Variants in SLX4IP observed in about 807,000 individuals in gnomAD.
SLX4IP encodes SLX4 interacting protein.
In SLX4IP, 34 loss-of-function variants were observed where a neutral mutation model predicts 32.9. The ratio of observed to expected loss-of-function variants is 1.03; its 90% CI spans 0.79 to 1.38. The LOEUF (loss-of-function observed/expected upper bound fraction) is 1.38, where lower values mean the gene tolerates loss of function less well. Ranked by LOEUF, SLX4IP falls within the 40% of genes most tolerant of loss-of-function variation. The pLI, the probability that SLX4IP is intolerant of heterozygous loss-of-function variation, is 0.00. For synonymous variants in SLX4IP, 172 were observed against 171.7 expected, an observed-to-expected ratio of 1.00 and a Z score of -0.01; for missense variants, 444 against 479.0, an observed-to-expected ratio of 0.93 and a Z score of 0.68.
At chr20:10,474,564 C>CT (rs906510888) in intron 2 of SLX4IP, among the ~76,000 whole-genome samples, 182 of 151,962 alleles carry the variant, frequency 1.2e-3, no homozygotes, top group African/African-American at 4.1e-3. Context: ...TTTCCTTTTT[C>CT]TTTTTTCCCC....
rs2067142057 is a variant in SLX4IP, at chr20:10,623,580, T to C, written c.*201T>C. Reference sequence around the variant, plus strand: ...AGGCTATATGCTTGTTCTAACAGCGTTGCTTCTTTATCATTGTATTTTATG... The same window carrying C: ...AGGCTATATGCTTGTTCTAACAGCGCTGCTTCTTTATCATTGTATTTTATG... On this transcript the variant is annotated 3_prime_UTR_variant, in exon 8 of 8. Transcript: ENST00000334534. The C allele has an allele frequency of 1.0e-5, 7 of 701,530 alleles. No individual in the cohort carries two copies. In the South Asian group the frequency reaches 1.6e-4, roughly 16 times the overall value. The allele number at this position is 701,530 out of a possible 1,614,324, so 43.5% of individuals were successfully genotyped here. A position where few individuals can be genotyped will look rare whatever the true frequency, so the allele number is the denominator to read the frequency against.
chr20:10,475,373 T>C (rs1229170235), intron 2 of SLX4IP, among the ~76,000 whole-genome samples: 1 of 152,242 alleles, frequency 6.6e-6, no homozygotes, highest in Non-Finnish European at 1.5e-5. Context: ...CTAGCGTAAC[T>C]GCTAGTCAAG....
At chr20:10,441,742 T>A (rs1030740558) in intron 1 of SLX4IP, among the ~76,000 whole-genome samples, 1 of 152,028 alleles carries the variant, frequency 6.6e-6, no homozygotes, top group Non-Finnish European at 1.5e-5. Flanking sequence ...TTTTTTTTTT[T>A]ATAAGTAAAC....
chr20:10,623,854 G>T lies in SLX4IP; in HGVS notation c.*475G>T, dbSNP rs1206685643. On this transcript the variant is annotated 3_prime_UTR_variant, in exon 8 of 8. Coordinates refer to ENST00000334534, the MANE Select transcript of SLX4IP (RefSeq NM_001009608.3). Reference sequence around the variant, plus strand: ...ACAAGCTAGTGGTTCTTAGCGCGTGGTCCTGGGACCAGCTTCGTTGTCTGG... The same window carrying T: ...ACAAGCTAGTGGTTCTTAGCGCGTGTTCCTGGGACCAGCTTCGTTGTCTGG... 1 of 159,942 alleles carries T rather than the reference G, an allele frequency of 6.3e-6. No individual in the cohort carries two copies. Among genetic ancestry groups the T allele is most frequent in the African/African-American group, 2.4e-5 (1 of 41,546 alleles). The allele number at this position is 159,942 out of a possible 1,614,324, so 9.9% of individuals were successfully genotyped here. A position where few individuals can be genotyped will look rare whatever the true frequency, so the allele number is the denominator to read the frequency against.
intron 2 of SLX4IP, among the ~76,000 whole-genome samples, chr20:10,475,341 G>C (rs1375049057): frequency 6.6e-6 from 1 of 152,214 alleles, no homozygotes; most frequent in African/African-American, 2.4e-5. Flanking sequence ...GTCTTATTTA[G>C]AGTCATAATA....
chr20:10,439,049 A>G (rs2065139455), intron 1 of SLX4IP, among the ~76,000 whole-genome samples: 1 of 151,542 alleles, frequency 6.6e-6, no homozygotes, highest in African/African-American at 2.4e-5. Context: ...GGGAGTTTTG[A>G]TAGTTTATTC....
intron 2 of SLX4IP, among the ~76,000 whole-genome samples, chr20:10,470,115 C>T (rs1326289367): frequency 2.0e-5 from 3 of 152,166 alleles, no homozygotes; most frequent in Non-Finnish European, 4.4e-5. Context: ...CCAGTTCCGC[C>T]CTGGTCCCAG....
intron 6 of SLX4IP, among the ~76,000 whole-genome samples, chr20:10,604,092 C>T (rs2066874823): frequency 6.6e-6 from 1 of 152,156 alleles, no homozygotes; most frequent in Non-Finnish European, 1.5e-5. Context: ...CCTGGACTTG[C>T]TTCAAGCTTT....
At chr20:10,546,586 A>G (rs986841383) in intron 2 of SLX4IP, among the ~76,000 whole-genome samples, 2 of 152,230 alleles carry the variant, frequency 1.3e-5, no homozygotes, top group Non-Finnish European at 2.9e-5. Context: ...AGCCCTTTGT[A>G]TGGCTGGCAT....
chr20:10,533,392 T>A (rs1037843202), intron 2 of SLX4IP, among the ~76,000 whole-genome samples: 1 of 152,016 alleles, frequency 6.6e-6, no homozygotes, highest in Non-Finnish European at 1.5e-5. Context: ...AACCTCCACC[T>A]CCTCGGGCTC....
chr20:10,516,163 C>G (rs1454610724), intron 2 of SLX4IP, among the ~76,000 whole-genome samples: 1 of 152,232 alleles, frequency 6.6e-6, no homozygotes, highest in Non-Finnish European at 1.5e-5. Context: ...GCTGGGACTA[C>G]AGGTGTGAGC....
chr20:10,614,370 C>G (rs1011618259), intron 6 of SLX4IP: 2 of 560,780 alleles, frequency 3.6e-6, no homozygotes, highest in South Asian at 4.8e-5. Context: ...TTTTACAATC[C>G]TAAAAACAAG....
chr20:10,471,425 G>A (rs2065424036), intron 2 of SLX4IP, among the ~76,000 whole-genome samples: 2 of 152,188 alleles, frequency 1.3e-5, no homozygotes, highest in South Asian at 4.1e-4. Context: ...AGATACCAGA[G>A]CACCCAGCAT....
At chr20:10,587,865 A>T (rs2066663127) in intron 4 of SLX4IP, among the ~76,000 whole-genome samples, 1 of 152,154 alleles carries the variant, frequency 6.6e-6, no homozygotes, top group African/African-American at 2.4e-5. Context: ...AAAGTCTTAA[A>T]TGTGAGACCT....
At chr20:10,471,514 G>A (rs1450340033) in intron 2 of SLX4IP, among the ~76,000 whole-genome samples, 1 of 152,226 alleles carries the variant, frequency 6.6e-6, no homozygotes, top group African/African-American at 2.4e-5. Flanking sequence ...AAGCCATAGG[G>A]CAGCCAGTCT....
chr20:10,462,595 A>AT (rs1190150375), intron 2 of SLX4IP, among the ~76,000 whole-genome samples: 2 of 152,200 alleles, frequency 1.3e-5, no homozygotes, highest in African/African-American at 4.8e-5. Flanking sequence ...AGAGACATTT[A>AT]TTTTTAGGAT....
At chr20:10,555,264 G>A (rs190144681) in intron 2 of SLX4IP, among the ~76,000 whole-genome samples, 14 of 150,830 alleles carry the variant, frequency 9.3e-5, no homozygotes, top group Admixed American at 1.3e-4. Context: ...CTCATAAACC[G>A]AATCTCTGGG....
At chr20:10,489,172 C>A (rs188127406) in intron 2 of SLX4IP, among the ~76,000 whole-genome samples, 26 of 152,232 alleles carry the variant, frequency 1.7e-4, no homozygotes, top group African/African-American at 6.0e-4. Context: ...TAGTTCATGC[C>A]AAACGTTCAC....
intron 2 of SLX4IP, among the ~76,000 whole-genome samples, chr20:10,507,018 T>C (rs1231169151): frequency 3.3e-5 from 5 of 152,108 alleles, no homozygotes; most frequent in Non-Finnish European, 7.3e-5. Flanking sequence ...ACATTTTGTG[T>C]GTGGTGGGGC....
Sources: allele counts gnomAD v4.1 joint callset (sites outside exome capture counted in the v4.1 genomes callset), GRCh38; gene constraint gnomAD v4.1.1; transcripts MANE v1.5; gene names NCBI Gene and HGNC (gene_info 2026-07-23, HGNC 2026-07-21).